CDH2: variants seen among roughly 807,000 people sequenced by gnomAD.
CDH2 encodes cadherin-2.
Under a neutral mutation model 92.0 loss-of-function variants are expected in CDH2, and 17 were observed. The observed-to-expected ratio is 0.18, with a 90% CI of 0.13 to 0.28. The LOEUF is 0.28. Among genes scored for constraint, CDH2 ranks in the 10% least tolerant of loss-of-function variants. The probability of loss-of-function intolerance (pLI) is 1.00; values close to 1 mark genes in which losing one functional copy is unlikely to be tolerated. For synonymous variants in CDH2, 419 were observed against 415.9 expected (o/e 1.01, Z -0.09); for missense variants, 862 against 1,133.1 (o/e 0.76, Z 3.44).
rs945362427 is a variant in CDH2, at chr18:27,953,390, C to A, written c.2515-1031G>T. 2.0e-5 allele frequency among the ~76,000 whole-genome samples: 3 copies of A among 152,074 alleles called. No homozygotes were observed. In the South Asian group the frequency reaches 6.2e-4, roughly 32 times the overall value. ...GTATATTTTCTACTTAATTTTTTCCCCCAATTCCATTCTAGTACTCCTAGA... is the reference window on the plus strand; with the variant it reads ...GTATATTTTCTACTTAATTTTTTCCACCAATTCCATTCTAGTACTCCTAGA... On this transcript the variant is annotated intron_variant, in intron 15 of 15. Coordinates refer to ENST00000269141, the MANE Select transcript of CDH2 (RefSeq NM_001792.5).
chr18:27,938,371 A>G (rs1242589598), intron 6 of CDH2, among the ~76,000 whole-genome samples: 2 of 152,196 alleles, frequency 1.3e-5, no homozygotes, highest in African/African-American at 2.4e-5. Flanking sequence ...CATAGTATTC[A>G]TAAATTGAAT....
chr18:27,999,249 G>A (rs2012684871), intron 7 of CDH2, among the ~76,000 whole-genome samples: 1 of 152,232 alleles, frequency 6.6e-6, no homozygotes, highest in Non-Finnish European at 1.5e-5. Context: ...GTAATTCTGG[G>A]GGGTTAGGTT....
intron 4 of CDH2, among the ~76,000 whole-genome samples, chr18:28,010,939 GTT>G (rs71378905): frequency 3.6e-5 from 5 of 139,858 alleles, no homozygotes; most frequent in Non-Finnish European, 7.8e-5. Flanking sequence ...TGCCCTGCCT[GTT>G]TTTTTTTTTT....
chr18:28,120,189 T>G (rs569573226), intron 2 of CDH2, among the ~76,000 whole-genome samples: 2 of 152,250 alleles, frequency 1.3e-5, no homozygotes, highest in East Asian at 3.9e-4. Context: ...GACTAAATTC[T>G]GTCATACACA....
chr18:28,113,722 A>G (rs2015450294), intron 2 of CDH2, among the ~76,000 whole-genome samples: 1 of 152,058 alleles, frequency 6.6e-6, no homozygotes, highest in Non-Finnish European at 1.5e-5. Flanking sequence ...AAATAACAGA[A>G]TTAGCTCTGA....
At chr18:27,965,477 G>A (rs1431649532) in intron 14 of CDH2, among the ~76,000 whole-genome samples, 5 of 152,204 alleles carry the variant, frequency 3.3e-5, no homozygotes, top group Non-Finnish European at 7.3e-5. Flanking sequence ...GCGACAAAGC[G>A]CCATTTTGGG....
chr18:28,151,624 C>A (rs909812119), intron 1 of CDH2, among the ~76,000 whole-genome samples: 2 of 152,158 alleles, frequency 1.3e-5, no homozygotes, highest in African/African-American at 4.8e-5. Context: ...AAGCCAAAAC[C>A]CAGCCCCTGA....
intron 1 of CDH2, among the ~76,000 whole-genome samples, 188 bp downstream of exon 1, chr18:28,176,775 C>A (rs981428929): frequency 6.6e-6 from 1 of 151,566 alleles, no homozygotes; most frequent in Non-Finnish European, 1.5e-5. Flanking sequence ...GCCCCGGCAA[C>A]CCTGCCCCGG....
rs778626652 is a variant in CDH2, at chr18:28,007,193, T to TATAC, written c.703-1201_703-1200insGTAT. 4.3e-3 allele frequency among the ~76,000 whole-genome samples: 617 copies of TATAC among 142,148 alleles called. 17 individuals carry two copies. The highest frequency in any genetic ancestry group is 0.015 in the African/African-American group (574 of 37,746). 93.3% of individuals were successfully genotyped at this position (142,148 alleles called of 152,430 possible). ...ATATATATATATATATATATATATA[T>TATAC]ACGAGTATATACGATAGCTGTTCCT... On this transcript the variant is annotated intron_variant, in intron 5 of 15. Transcript: ENST00000269141.
chr18:28,022,435 T>C (rs1344071092), intron 2 of CDH2, among the ~76,000 whole-genome samples: 1 of 152,110 alleles, frequency 6.6e-6, no homozygotes, highest in Non-Finnish European at 1.5e-5. Flanking sequence ...TAATGATAAA[T>C]TTGACCTTGT....
intron 2 of CDH2, among the ~76,000 whole-genome samples, chr18:28,124,461 C>T (rs1005040463): frequency 7.9e-5 from 12 of 152,232 alleles, no homozygotes; most frequent in African/African-American, 2.6e-4. Context: ...TTTCTGTTAG[C>T]ACCCATTTTT....
chr18:27,960,175 C>T (rs2011364583), intron 15 of CDH2, among the ~76,000 whole-genome samples: 1 of 152,102 alleles, frequency 6.6e-6, no homozygotes, highest in Non-Finnish European at 1.5e-5. Flanking sequence ...GCCTGTCTCC[C>T]CTCCCCTGGA....
chr18:28,131,870 C>T (rs2015777571), intron 2 of CDH2, among the ~76,000 whole-genome samples: 1 of 152,138 alleles, frequency 6.6e-6, no homozygotes, highest in Admixed American at 6.5e-5. Context: ...TACTCCCCTT[C>T]ACCTTATTTT....
chr18:28,010,692 A>C (rs2013072422), intron 4 of CDH2, among the ~76,000 whole-genome samples: 1 of 151,472 alleles, frequency 6.6e-6, no homozygotes, highest in East Asian at 1.9e-4. Flanking sequence ...CGGGGGGGGA[A>C]GGAGTCTCAC....
intron 14 of CDH2, among the ~76,000 whole-genome samples, chr18:27,971,056 T>G (rs2011643429): frequency 6.6e-6 from 1 of 152,140 alleles, no homozygotes; most frequent in Non-Finnish European, 1.5e-5. Context: ...ACCAACATGG[T>G]GAAACCCCGT....
chr18:28,039,686 C>T lies in CDH2; in HGVS notation c.173-25777G>A, dbSNP rs570578233. On this transcript the variant is annotated intron_variant, in intron 2 of 15. Coordinates refer to ENST00000269141, the MANE Select transcript of CDH2 (RefSeq NM_001792.5). ...CAAGTCAGGATTTCACAGTCTGTAT[C>T]GTGTGTTTTTTTTGTCAAATTCTCC... is the stretch of plus-strand genomic sequence containing the variant. Among the ~76,000 whole-genome samples the T allele has an allele frequency of 7.2e-5, 11 of 152,222 alleles. No individual in the cohort carries two copies. In the South Asian group the frequency reaches 2.1e-3, roughly 29 times the overall value.
chr18:28,154,037 G>C (rs1486534262), intron 1 of CDH2, among the ~76,000 whole-genome samples: 1 of 152,126 alleles, frequency 6.6e-6, no homozygotes, highest in East Asian at 1.9e-4. Flanking sequence ...TGCTGCAAGT[G>C]GTGGCCACAC....
chr18:27,965,364 T>C (rs76315324), intron 14 of CDH2, among the ~76,000 whole-genome samples: 1 of 152,204 alleles, frequency 6.6e-6, no homozygotes, highest in Non-Finnish European at 1.5e-5. Context: ...GAGGTAGGTA[T>C]AGAGACTTCG....
Position 28,011,858 on chromosome 18 carries a change from T to C in CDH2, c.534A>G (p.Gln178=). Residue 178 remains glutamine, a synonymous_variant, in exon 4 of 16, where the codon CAA becomes CAG. Coordinates refer to ENST00000269141, the MANE Select transcript of CDH2 (RefSeq NM_001792.5). ...LPENSRGPFP[Q]ELVRIRSDRD... Reference sequence around the variant, plus strand: ...TGTGCCACCTTACCCTGACAAGCTCTTGAGGAAAAGGTCCCCTGGAGTTTT... The same window carrying C: ...TGTGCCACCTTACCCTGACAAGCTCCTGAGGAAAAGGTCCCCTGGAGTTTT... 6.2e-7 allele frequency: 1 copy of C among 1,614,112 alleles called. No individual in the cohort carries two copies. The highest frequency in any genetic ancestry group is 1.3e-5 in the African/African-American group (1 of 75,066).
Sources: gnomAD v4.1 joint callset for allele counts (sites outside exome capture counted in the v4.1 genomes callset) on GRCh38, gnomAD v4.1.1 for gene constraint, MANE v1.5 for transcripts, NCBI Gene and HGNC (gene_info 2026-07-23, HGNC 2026-07-21) for gene names.